CNTNAP2: variants seen among roughly 807,000 people sequenced by gnomAD.
The protein encoded by CNTNAP2 is contactin associated protein 2, also known as contactin-associated protein-like 2.
A neutral mutation model predicts 155.2 loss-of-function variants in CNTNAP2; 98 were observed. The ratio of observed to expected loss-of-function variants is 0.63; its 90% CI spans 0.54 to 0.75. CNTNAP2 has a LOEUF of 0.75. CNTNAP2 is among the 30% of genes least tolerant of loss of function. CNTNAP2 has a pLI of 0.00. For missense variants in CNTNAP2, 1,727 were observed against 1,688.1 expected (o/e 1.02, Z -0.40); for synonymous variants, 651 against 631.2 (o/e 1.03, Z -0.47).
chr7:146,497,742 C>CAT (rs1474960635), intron 1 of CNTNAP2, among the ~76,000 whole-genome samples: 5 of 150,578 alleles, frequency 3.3e-5, no homozygotes, highest in African/African-American at 4.9e-5. Flanking sequence ...TTTATTCTAA[C>CAT]ATGTATCTAT....
At chr7:148,351,744 CAA>C (rs71188974) in intron 21 of CNTNAP2, among the ~76,000 whole-genome samples, 34 of 85,382 alleles carry the variant, frequency 4.0e-4, no homozygotes, top group Middle Eastern at 8.9e-3. Flanking sequence ...CTCTGTCTCA[CAA>C]AAAAAAAAAA....
chr7:146,777,756 G>A (rs1802415204), intron 2 of CNTNAP2, among the ~76,000 whole-genome samples: 1 of 151,858 alleles, frequency 6.6e-6, no homozygotes, highest in South Asian at 2.1e-4. Context: ...AATAGAAATG[G>A]GGTTTTGCCA....
intron 19 of CNTNAP2, among the ~76,000 whole-genome samples, chr7:148,219,533 A>C (rs1285158868): frequency 6.6e-6 from 1 of 152,194 alleles, no homozygotes; most frequent in Non-Finnish European, 1.5e-5. Context: ...ATTTCTACCA[A>C]AAATAATTTA....
chr7:146,252,144 CT>C (rs1799765414), intron 1 of CNTNAP2, among the ~76,000 whole-genome samples: 1 of 152,122 alleles, frequency 6.6e-6, no homozygotes, highest in Non-Finnish European at 1.5e-5. Context: ...ACATTGAAAC[CT>C]TTTGCTTAAT....
At chr7:146,754,737 G>C (rs1374138753) in intron 1 of CNTNAP2, among the ~76,000 whole-genome samples, 2 of 151,896 alleles carry the variant, frequency 1.3e-5, no homozygotes, top group Admixed American at 6.6e-5. Flanking sequence ...GGTTAGGAAA[G>C]AGAGGCTATT....
intron 15 of CNTNAP2, among the ~76,000 whole-genome samples, chr7:148,009,626 T>C (rs1010991007): frequency 1.3e-5 from 2 of 152,028 alleles, no homozygotes; most frequent in African/African-American, 4.8e-5. Flanking sequence ...GACTGCCTCT[T>C]TGTGTGTGTA....
At chr7:146,867,244 T>A (rs1248224799) in intron 3 of CNTNAP2, among the ~76,000 whole-genome samples, 1 of 152,120 alleles carries the variant, frequency 6.6e-6, no homozygotes, top group Non-Finnish European at 1.5e-5. Flanking sequence ...ATCATTAGGC[T>A]CCCATTTCTA....
intron 1 of CNTNAP2, among the ~76,000 whole-genome samples, chr7:146,753,607 A>T (rs1801942977): frequency 6.6e-6 from 1 of 152,104 alleles, no homozygotes; most frequent in African/African-American, 2.4e-5. Context: ...TATCTCATGT[A>T]CGTTACCAAA....
chr7:147,582,987 C>A (rs571743857), intron 12 of CNTNAP2, among the ~76,000 whole-genome samples: 2 of 152,146 alleles, frequency 1.3e-5, no homozygotes, highest in East Asian at 3.9e-4. Context: ...TATGTGTATT[C>A]CTGGGAAATC....
intron 1 of CNTNAP2, among the ~76,000 whole-genome samples, chr7:146,371,464 G>C (rs1190192080): frequency 6.9e-6 from 1 of 144,804 alleles, no homozygotes; most frequent in Non-Finnish European, 1.5e-5. Flanking sequence ...CGCCTCCCGG[G>C]TTCATGCCAT....
At chr7:147,547,378 A>T (rs1321236949) in intron 11 of CNTNAP2, among the ~76,000 whole-genome samples, 1 of 152,044 alleles carries the variant, frequency 6.6e-6, no homozygotes, top group Non-Finnish European at 1.5e-5. Flanking sequence ...CCAGCCACTA[A>T]TGCTGCGGTT....
intron 1 of CNTNAP2, among the ~76,000 whole-genome samples, chr7:146,194,918 C>A (rs1281658204): frequency 6.6e-6 from 1 of 152,194 alleles, no homozygotes; most frequent in African/African-American, 2.4e-5. Context: ...CTGGTCACTT[C>A]TCCAATCTGG....
At chr7:148,196,795 T>G (rs4454212) in intron 18 of CNTNAP2, among the ~76,000 whole-genome samples, 1 of 151,972 alleles carries the variant, frequency 6.6e-6, no homozygotes, top group African/African-American at 2.4e-5. Context: ...GAGCCTCTTT[T>G]GGGCAGCAGG....
At chr7:146,821,822 A>G (rs1315335251) in intron 2 of CNTNAP2, among the ~76,000 whole-genome samples, 4 of 151,562 alleles carry the variant, frequency 2.6e-5, no homozygotes, top group African/African-American at 7.3e-5. Context: ...TCAGGAAAAA[A>G]CAGGTGCTGG....
chr7:146,579,899 C>G (rs986281787), intron 1 of CNTNAP2, among the ~76,000 whole-genome samples: 2 of 152,074 alleles, frequency 1.3e-5, no homozygotes, highest in African/African-American at 4.8e-5. Context: ...TTTTAACCCA[C>G]GTTCTCTTAA....
intron 1 of CNTNAP2, among the ~76,000 whole-genome samples, chr7:146,452,610 A>C (rs1480269462): frequency 2.0e-5 from 3 of 152,214 alleles, no homozygotes; most frequent in Non-Finnish European, 4.4e-5. Flanking sequence ...AATCGCCTTT[A>C]TACAGTTATT....
chr7:147,558,552 C>T (rs1799993333), intron 11 of CNTNAP2, among the ~76,000 whole-genome samples: 1 of 152,156 alleles, frequency 6.6e-6, no homozygotes, highest in African/African-American at 2.4e-5. Context: ...CCAGGTGTTT[C>T]ACACATGCAG....
At chr7:147,482,799 AC>A (rs1798446078) in intron 10 of CNTNAP2, among the ~76,000 whole-genome samples, 1 of 151,710 alleles carries the variant, frequency 6.6e-6, no homozygotes, top group Non-Finnish European at 1.5e-5. Flanking sequence ...TAATCCCAGC[AC>A]TCTGGGAGGC....
chr7:146,643,387 G>C (rs1799748372), intron 1 of CNTNAP2, among the ~76,000 whole-genome samples: 1 of 152,024 alleles, frequency 6.6e-6, no homozygotes, highest in Non-Finnish European at 1.5e-5. Flanking sequence ...TGGCTAGCCA[G>C]TTTTCCCAGC....
Sources: gnomAD v4.1 joint callset for allele counts (sites outside exome capture counted in the v4.1 genomes callset) on GRCh38, gnomAD v4.1.1 for gene constraint, MANE v1.5 for transcripts, NCBI Gene and HGNC (gene_info 2026-07-23, HGNC 2026-07-21) for gene names.